ANKS1A: variants seen among roughly 807,000 people sequenced by gnomAD.
The protein encoded by ANKS1A is ankyrin repeat and sterile alpha motif domain containing 1A.
In ANKS1A, 55 loss-of-function variants were observed where a neutral mutation model predicts 120.3. That is an observed-to-expected ratio of 0.46 (90% CI 0.37 to 0.57). The LOEUF (loss-of-function observed/expected upper bound fraction) is 0.57. Ranked by LOEUF, ANKS1A falls within the 20% of genes least tolerant of loss-of-function variation. The pLI is 0.00. For synonymous variants in ANKS1A, 590 were observed against 604.7 expected (o/e 0.98, Z 0.36); for missense variants, 1,123 against 1,480.3 (o/e 0.76, Z 3.96).
intron 3 of ANKS1A, among the ~76,000 whole-genome samples, chr6:34,977,516 C>A (rs1008896402): frequency 2.6e-5 from 4 of 152,008 alleles, no homozygotes; most frequent in East Asian, 1.9e-4. Context: ...GACCCTCTAC[C>A]CTGTATTTTA....
At chr6:35,018,283 C>T (rs1774150886) in intron 11 of ANKS1A, among the ~76,000 whole-genome samples, 1 of 152,164 alleles carries the variant, frequency 6.6e-6, no homozygotes, top group African/African-American at 2.4e-5. Context: ...GGGTGGAGGC[C>T]CCAGCAGAGC....
rs58736801 is a variant in ANKS1A at position 35,068,147 on chromosome 6, G to GC, written c.2184+7896dup. Among the ~76,000 whole-genome samples, 175 of 152,252 alleles carry GC rather than the reference G, an allele frequency of 1.1e-3. 1 individual carries two copies. The highest frequency in any genetic ancestry group is 4.1e-3 in the African/African-American group (169 of 41,552). ...GACCTCAGGTGATCCACTCGCCTCA[G>GC]CCTCCCAAAGTGCTAAGATTACAGG... On this transcript the variant is annotated intron_variant, in intron 13 of 23. Transcript: ENST00000360359.
chr6:34,991,940 T>C (rs1772599874), intron 9 of ANKS1A, among the ~76,000 whole-genome samples: 1 of 151,492 alleles, frequency 6.6e-6, no homozygotes, highest in African/African-American at 2.4e-5. Context: ...GACTATGACA[T>C]AGGGCTTCTG....
rs1766711669 is a variant in ANKS1A at position 34,889,833 on chromosome 6, A to C, written c.197+234A>C. Among the ~76,000 whole-genome samples, 1 of 152,056 alleles carries C rather than the reference A, an allele frequency of 6.6e-6. No individual in the cohort carries two copies. The highest frequency in any genetic ancestry group is 2.1e-4 in the South Asian group (1 of 4,828). ...TGACCCGGCTGCGAAGAATGGTGGG[A>C]GTGCCCAGGTGGCAGCCTCCGCCGC... On this transcript the variant is annotated intron_variant, in intron 1 of 23. Coordinates refer to ENST00000360359, the MANE Select transcript of ANKS1A (RefSeq NM_015245.3). The surrounding 1 kb of genome is among the most constrained non-coding windows in gnomAD (Gnocchi z 5.5).
chr6:34,981,977 C>G lies in ANKS1A; in HGVS notation c.723C>G (p.Ser241Arg). The change falls in exon 4 of 24, where the codon AGC (serine) becomes AGG (arginine). Residue 241 changes from serine (S) to arginine (R), a missense_variant. Physicochemically the swap from Ser to Arg is moderately radical, Grantham distance 110 (BLOSUM62 -1). Coordinates refer to ENST00000360359, the MANE Select transcript of ANKS1A (RefSeq NM_015245.3). ...VQVLLDAGMDSNYQTEMGSAL... is the reference protein window; with the variant it reads ...VQVLLDAGMDRNYQTEMGSAL... ...TCCTCCTCGATGCTGGCATGGACAGCAACTACCAGGTAGCAGGGCGGGTGG... is the reference window on the plus strand; with the variant it reads ...TCCTCCTCGATGCTGGCATGGACAGGAACTACCAGGTAGCAGGGCGGGTGG... The G allele has an allele frequency of 6.2e-7, 1 of 1,613,902 alleles. No homozygotes were observed. Among genetic ancestry groups the G allele is most frequent in the Non-Finnish European group, 8.5e-7 (1 of 1,179,832 alleles).
At chr6:35,001,025 T>TTAAA (rs961913534) in intron 10 of ANKS1A, among the ~76,000 whole-genome samples, 169 of 152,244 alleles carry the variant, frequency 1.1e-3, no homozygotes, top group African/African-American at 3.6e-3. Context: ...TTATGAAAGG[T>TTAAA]TAAAAAGAGT....
rs11341017 is a variant in ANKS1A, at chr6:34,955,144, C to CT, written c.198-12085dup. On this transcript the variant is annotated intron_variant, in intron 1 of 23. Transcript: ENST00000360359. ...TGAGTTTTCTTTTTTCTTTTCTTTT[C>CT]TTTTTTTTTTGAGACAGAGTCTGGC... Among the ~76,000 whole-genome samples the CT allele has an allele frequency of 7.4e-4, 108 of 146,258 alleles. No homozygotes were observed. In the Middle Eastern group the frequency reaches 0.01, roughly 14 times the overall value.
intron 1 of ANKS1A, among the ~76,000 whole-genome samples, chr6:34,966,797 C>G (rs1170147754): frequency 6.6e-6 from 1 of 152,154 alleles, no homozygotes; most frequent in Admixed American, 6.5e-5. Context: ...GACACGTCTC[C>G]TGGTGCTTTT....
chr6:35,029,261 T>C (rs1774778868), intron 11 of ANKS1A, among the ~76,000 whole-genome samples: 1 of 152,066 alleles, frequency 6.6e-6, no homozygotes, highest in Non-Finnish European at 1.5e-5. Flanking sequence ...ATTTGTCTTT[T>C]GGCCTTGTGG....
chr6:34,895,780 C>T (rs931614432), intron 1 of ANKS1A, among the ~76,000 whole-genome samples: 41 of 90,336 alleles, frequency 4.5e-4, no homozygotes, highest in African/African-American at 6.8e-4. Context: ...GAATGTCTTT[C>T]TTTTTTTTTT....
chr6:35,071,435 A>G (rs934296304), intron 13 of ANKS1A, among the ~76,000 whole-genome samples: 1 of 152,166 alleles, frequency 6.6e-6, no homozygotes, highest in Non-Finnish European at 1.5e-5. Flanking sequence ...GTTGCTACAG[A>G]GTCCGCTGGG....
At chr6:35,036,482 G>A (rs754430061) in intron 11 of ANKS1A, among the ~76,000 whole-genome samples, 3 of 152,192 alleles carry the variant, frequency 2.0e-5, no homozygotes, top group Non-Finnish European at 4.4e-5. Flanking sequence ...CTTTGACAGC[G>A]CCCAAACCTC....
intron 10 of ANKS1A, among the ~76,000 whole-genome samples, chr6:34,999,769 C>A (rs538885318): frequency 1.3e-5 from 2 of 152,164 alleles, no homozygotes; most frequent in African/African-American, 4.8e-5. Flanking sequence ...CCCCCTTCCC[C>A]GCCACAGTAG....
At chr6:34,969,138 T>A (rs1771052529) in intron 2 of ANKS1A, among the ~76,000 whole-genome samples, 1 of 152,228 alleles carries the variant, frequency 6.6e-6, no homozygotes, top group Admixed American at 6.5e-5. Flanking sequence ...TAGGGATAAT[T>A]ATATACTGGT....
In ANKS1A at chr6:35,041,355, T is replaced by C. The variant is rs550665001; in HGVS notation, c.2011-12744T>C. Among the ~76,000 whole-genome samples, 11 of 152,318 alleles carry C rather than the reference T, an allele frequency of 7.2e-5. No individual in the cohort carries two copies. The South Asian group carries it at 2.1e-3, about 29-fold the overall frequency. On this transcript the variant is annotated intron_variant, in intron 11 of 23. Transcript: ENST00000360359. ...TCTGGAATCTTCTTGCAGGCTGAGA[T>C]TGGAGATGGCCTTTGAATTGTGGGC... is the stretch of plus-strand genomic sequence containing the variant.
intron 13 of ANKS1A, among the ~76,000 whole-genome samples, chr6:35,062,052 G>T (rs146135767): frequency 6.6e-6 from 1 of 152,256 alleles, no homozygotes; most frequent in Non-Finnish European, 1.5e-5. Context: ...CCGAGACTCC[G>T]TAGGACTGGA....
At chr6:34,961,615 G>A (rs1413975313) in intron 1 of ANKS1A, among the ~76,000 whole-genome samples, 1 of 152,164 alleles carries the variant, frequency 6.6e-6, no homozygotes, top group Admixed American at 6.5e-5. Flanking sequence ...GCAAAAGTTA[G>A]AAAACGATGA....
intron 1 of ANKS1A, among the ~76,000 whole-genome samples, chr6:34,915,268 A>C (rs1230271146): frequency 1.3e-5 from 2 of 152,106 alleles, no homozygotes; most frequent in African/African-American, 4.8e-5. Flanking sequence ...AGGTACTCAG[A>C]TATCTGGCAA....
Position 35,017,630 on chromosome 6 carries a change from TC to T in ANKS1A, c.1583del (p.Pro528GlnfsTer57). The T allele has an allele frequency of 6.2e-7, 1 of 1,613,724 alleles. No homozygotes were observed. Among genetic ancestry groups the T allele is most frequent in the Non-Finnish European group, 8.5e-7 (1 of 1,179,842 alleles). ...TGCTCTGTACCGCTGGCCAGAGCCATCCAGACGGGTCCCCCCAGCAGGGCGC... is the reference window on the plus strand; with the variant it reads ...TGCTCTGTACCGCTGGCCAGAGCCATCAGACGGGTCCCCCCAGCAGGGCGC... The part of the protein sequence containing the change: ...QLLCTAGQSH[P>X]DGSPQQGACH... On this transcript the variant is annotated frameshift_variant, in exon 11 of 24. Coordinates refer to ENST00000360359, the MANE Select transcript of ANKS1A (RefSeq NM_015245.3). LOFTEE classifies it high-confidence loss of function.
Sources: gnomAD v4.1 joint callset for allele counts (sites outside exome capture counted in the v4.1 genomes callset) on GRCh38, gnomAD v4.1.1 for gene constraint, Gnocchi (gnomAD v3.1) non-coding constraint, MANE v1.5 for transcripts, NCBI Gene and HGNC (gene_info 2026-07-23, HGNC 2026-07-21) for gene names.